Variants in PDE6G observed in about 807,000 individuals in gnomAD.
PDE6G encodes rod cGMP 3',5'-cyclic phosphodiesterase subunit gamma.
In PDE6G, 10 loss-of-function variants were observed where a neutral mutation model predicts 10.9. The observed-to-expected ratio is 0.91, with a 90% CI of 0.56 to 1.55. PDE6G has a LOEUF of 1.55. Among genes scored for constraint, PDE6G ranks in the 40% most tolerant of loss-of-function variants. The probability of loss-of-function intolerance (pLI) is 0.00; values close to 1 mark genes in which losing one functional copy is unlikely to be tolerated. For synonymous variants in PDE6G, 41 were observed against 42.8 expected, an observed-to-expected ratio of 0.96 and a Z score of 0.16; for missense variants, 102 against 110.1, an observed-to-expected ratio of 0.93 and a Z score of 0.33.
chr17:81,652,377 C>T (rs1018297978), intron 2 of PDE6G, among the ~76,000 whole-genome samples: 7 of 151,586 alleles, frequency 4.6e-5, no homozygotes, highest in Non-Finnish European at 5.9e-5. Context: ...CCCGGGTTCA[C>T]ACCATTCTCC....
chr17:81,653,203 T>A lies in PDE6G; in HGVS notation c.103A>T (p.Thr35Ser). 6.2e-7 allele frequency: 1 copy of A among 1,614,068 alleles called. No homozygotes were observed. Residue 35 changes from threonine (T) to serine (S), a missense_variant, in exon 2 of 4, where the codon ACC (threonine) becomes TCC (serine). Physicochemically the swap from Thr to Ser is moderately conservative, Grantham distance 58 (BLOSUM62 1). Coordinates refer to ENST00000331056, the MANE Select transcript of PDE6G (RefSeq NM_002602.4). The surrounding 1 kb of genome is among the most constrained non-coding windows in gnomAD (Gnocchi z 5.2). ...GGGGGCTTGCTCTTGAACTGCCTGG[T>A]CTGTCGCTGCTTAAATTTAGGGGGC... ...KGPPKFKQRQ[T>S]RQFKSKPPKK...
At position 81,653,089 on chromosome 17, in the gene PDE6G, C is replaced by T. The variant is rs1258793518; in HGVS notation, c.146+71G>A. On this transcript the variant is annotated intron_variant, in intron 2 of 3. Transcript: ENST00000331056. The surrounding 1 kb of genome is among the most constrained non-coding windows in gnomAD (Gnocchi z 5.2). ...TGAAGTGGCCCCAGGCTCTGCCCCG[C>T]CCTCCCCTTCCTGTGCAGCCTCAGG... The T allele has an allele frequency of 1.9e-6, 3 of 1,562,630 alleles. No individual in the cohort carries two copies. Among genetic ancestry groups the T allele is most frequent in the African/African-American group, 2.7e-5 (2 of 73,874 alleles).
Position 81,653,586 on chromosome 17 carries a change from G to A in PDE6G, c.-59-222C>T, listed in dbSNP as rs974023189. On this transcript the variant is annotated intron_variant, in intron 1 of 3. Coordinates refer to ENST00000331056, the MANE Select transcript of PDE6G (RefSeq NM_002602.4). The surrounding 1 kb of genome is among the most constrained non-coding windows in gnomAD (Gnocchi z 5.2). ...TGCCTAGTGGATGCCCCCCTGCAACGCTGGCCACACACAGCTCCGGACTCC... is the reference window on the plus strand; with the variant it reads ...TGCCTAGTGGATGCCCCCCTGCAACACTGGCCACACACAGCTCCGGACTCC... 1.8e-5 allele frequency: 9 copies of A among 495,508 alleles called. No homozygotes were observed. Among genetic ancestry groups the A allele is most frequent in the African/African-American group, 1.6e-4 (8 of 51,368 alleles). The allele number at this position is 495,508 out of a possible 1,614,324, so 30.7% of individuals were successfully genotyped here.
intron 1 of PDE6G, among the ~76,000 whole-genome samples, chr17:81,656,079 A>T (rs998796922): frequency 1.3e-5 from 2 of 152,188 alleles, no homozygotes; most frequent in African/African-American, 4.8e-5. Flanking sequence ...GGCCCCGTCC[A>T]GCTGCTTCTC....
upstream of PDE6G, chr17:81,656,637 G>A: frequency 1.4e-6 from 1 of 708,504 alleles, no homozygotes; most frequent in South Asian, 1.5e-5. Context: ...GCCCCGAGGG[G>A]GGGCACAACC....
In PDE6G at chr17:81,651,092, G is replaced by A. The variant is rs977359880; in HGVS notation, c.246C>T (p.Ala82=). The change falls in exon 4 of 4, where the codon GCC becomes GCT. Residue 82 remains alanine, a synonymous_variant. Transcript: ENST00000331056. The surrounding 1 kb of genome is among the most constrained non-coding windows in gnomAD (Gnocchi z 4.8). ...AFNHLELHEL[A]QYGII ...CCTCGTGCTAGATGATGCCATATTG[G>A]GCCAGCTCGTGCAGCTCCAGGTGGT... 1.2e-6 allele frequency: 2 copies of A among 1,613,392 alleles called. No individual in the cohort carries two copies. The highest frequency in any genetic ancestry group is 2.7e-5 in the African/African-American group (2 of 74,864).
At chr17:81,659,812 C>A (rs1248421734), upstream of PDE6G, among the ~76,000 whole-genome samples, 1 of 152,154 alleles carries the variant, frequency 6.6e-6, no homozygotes, top group Non-Finnish European at 1.5e-5. Context: ...TTAGGCCGGG[C>A]ACATTGGCTC....
At position 81,651,519 on chromosome 17, in the gene PDE6G, C is replaced by T. The variant is rs2036354493; in HGVS notation, c.187+126G>A. 4.9e-5 allele frequency: 40 copies of T among 808,656 alleles called. 1 individual carries two copies. The South Asian group carries it at 5.2e-4, about 11-fold the overall frequency. 50.1% of individuals were successfully genotyped at this position (808,656 alleles called of 1,614,324 possible). ...GTTGGGGGAAGAAGTGATGGACAGG[C>T]TGGGGGTCCCTAAGTGAAAAGCAGG... On this transcript the variant is annotated intron_variant, in intron 3 of 3. Transcript: ENST00000331056. The surrounding 1 kb of genome is among the most constrained non-coding windows in gnomAD (Gnocchi z 4.8).
chr17:81,653,475 C>T lies in PDE6G; in HGVS notation c.-59-111G>A, dbSNP rs1046821941. On this transcript the variant is annotated intron_variant, in intron 1 of 3. Coordinates refer to ENST00000331056, the MANE Select transcript of PDE6G (RefSeq NM_002602.4). This position sits in a 1 kb window ranked among gnomAD's most constrained non-coding sequence, Gnocchi z 5.2. ...GACCCAGCCCCGCCAGCTCCAGCGT[C>T]ATCCAGACAGCAGCCCCTGCAATCC... The T allele has an allele frequency of 1.8e-5, 13 of 710,588 alleles. No individual in the cohort carries two copies. The African/African-American group carries it at 2.0e-4, about 11-fold the overall frequency. 44.0% of individuals were successfully genotyped at this position (710,588 alleles called of 1,614,324 possible).
At chr17:81,660,361 G>C (rs1324007552), upstream of PDE6G, among the ~76,000 whole-genome samples, 3 of 152,148 alleles carry the variant, frequency 2.0e-5, no homozygotes, top group Non-Finnish European at 2.9e-5. Flanking sequence ...GCAGTGAGCA[G>C]AGATTGTGCC....
rs747300077 is a variant in PDE6G at position 81,656,496 on chromosome 17, G to A, written c.-63C>T. ...AGCGGGGTTGGCCACTACTCACCAA[G>A]TGCAGGGCGGGTCTCAGGGGGCTGT... is the stretch of plus-strand genomic sequence containing the variant. On this transcript the variant is annotated 5_prime_UTR_variant, in exon 1 of 4. Transcript: ENST00000331056. 1 of 763,106 alleles carries A rather than the reference G, an allele frequency of 1.3e-6. No homozygotes were observed. The highest frequency in any genetic ancestry group is 1.7e-5 in the African/African-American group (1 of 59,122). The allele number at this position is 763,106 out of a possible 1,614,324, so 47.3% of individuals were successfully genotyped here.
chr17:81,652,587 T>A (rs1480767086), intron 2 of PDE6G, among the ~76,000 whole-genome samples: 1 of 150,812 alleles, frequency 6.6e-6, no homozygotes, highest in Non-Finnish European at 1.5e-5. Flanking sequence ...GTTTTGTTTT[T>A]TTGAGACGGA....
chr17:81,651,245 C>A lies in PDE6G; in HGVS notation c.188-95G>T. On this transcript the variant is annotated intron_variant, in intron 3 of 3. Transcript: ENST00000331056. The surrounding 1 kb of genome is among the most constrained non-coding windows in gnomAD (Gnocchi z 4.8). ...CTGTTTCCCACAGCCCAGGTGTAGC[C>A]CTACAGTGTGCTGAGCGGGGACGTG... 1.1e-6 allele frequency: 1 copy of A among 903,886 alleles called. No individual in the cohort carries two copies. Among genetic ancestry groups the A allele is most frequent in the Non-Finnish European group, 1.8e-6 (1 of 549,022 alleles). 56.0% of individuals were successfully genotyped at this position (903,886 alleles called of 1,614,324 possible). A position where few individuals can be genotyped will look rare whatever the true frequency, so the allele number is the denominator to read the frequency against.
chr17:81,650,744 G>C lies in PDE6G; in HGVS notation c.*330C>G. On this transcript the variant is annotated 3_prime_UTR_variant, in exon 4 of 4. Transcript: ENST00000331056. ...AGCTGGGAGGAGGGGACGATCTGGGGTCCAGCAGGCTCCCGGGCTGGGGTC... is the reference window on the plus strand; with the variant it reads ...AGCTGGGAGGAGGGGACGATCTGGGCTCCAGCAGGCTCCCGGGCTGGGGTC... 2.1e-6 allele frequency: 1 copy of C among 474,276 alleles called. No homozygotes were observed. The highest frequency in any genetic ancestry group is 4.2e-6 in the Non-Finnish European group (1 of 239,680). The allele number at this position is 474,276 out of a possible 1,614,324, so 29.4% of individuals were successfully genotyped here.
At position 81,650,653 on chromosome 17, in the gene PDE6G, C is replaced by G. The variant is rs748086567; in HGVS notation, c.*421G>C. 1 of 455,624 alleles carries G rather than the reference C, an allele frequency of 2.2e-6. No individual in the cohort carries two copies. The highest frequency in any genetic ancestry group is 4.4e-6 in the Non-Finnish European group (1 of 227,846). The allele number at this position is 455,624 out of a possible 1,614,324, so 28.2% of individuals were successfully genotyped here. ...GCAGAGACGGGGAGCTTCTCTGTAT[C>G]CCCTTACAGGCAGGACAGGGGGCTG... On this transcript the variant is annotated 3_prime_UTR_variant, in exon 4 of 4. Coordinates refer to ENST00000331056, the MANE Select transcript of PDE6G (RefSeq NM_002602.4).
Position 81,651,795 on chromosome 17 carries a change from G to T in PDE6G, c.147-110C>A. On this transcript the variant is annotated intron_variant, in intron 2 of 3. Coordinates refer to ENST00000331056, the MANE Select transcript of PDE6G (RefSeq NM_002602.4). This position sits in a 1 kb window ranked among gnomAD's most constrained non-coding sequence, Gnocchi z 4.8. ...TAGGAGATGAGGTGTTTGGCTGGGA[G>T]CCCAGTGGGCAGAGACCCGCCTCCT... 1 of 1,237,514 alleles carries T rather than the reference G, an allele frequency of 8.1e-7. No individual in the cohort carries two copies. Among genetic ancestry groups the T allele is most frequent in the Non-Finnish European group, 1.2e-6 (1 of 863,154 alleles). 76.7% of individuals were successfully genotyped at this position (1,237,514 alleles called of 1,614,324 possible). A position where few individuals can be genotyped will look rare whatever the true frequency, so the allele number is the denominator to read the frequency against.
chr17:81,655,313 C>A (rs1322682899), intron 1 of PDE6G, among the ~76,000 whole-genome samples: 1 of 152,200 alleles, frequency 6.6e-6, no homozygotes, highest in East Asian at 1.9e-4. Context: ...TCCCCAACCC[C>A]ACTTCATAGA....
chr17:81,661,665 C>T (rs1415286907), intron 1 of PDE6G, among the ~76,000 whole-genome samples: 1 of 151,932 alleles, frequency 6.6e-6, no homozygotes, highest in Non-Finnish European at 1.5e-5. Context: ...TCAAGACCAA[C>T]CCTGGCCAAG....
At chr17:81,652,694 G>A (rs573978330) in intron 2 of PDE6G, among the ~76,000 whole-genome samples, 103 of 152,196 alleles carry the variant, frequency 6.8e-4, no homozygotes, top group African/African-American at 2.3e-3. Flanking sequence ...TCCTGCCTCA[G>A]CCTCCTGAGT....
Sources: gnomAD v4.1 joint callset for allele counts (sites outside exome capture counted in the v4.1 genomes callset) on GRCh38, gnomAD v4.1.1 for gene constraint, Gnocchi (gnomAD v3.1) non-coding constraint, MANE v1.5 for transcripts, NCBI Gene and HGNC (gene_info 2026-07-23, HGNC 2026-07-21) for gene names.